Variants in MARCHF8 observed in about 807,000 individuals in gnomAD.
The protein encoded by MARCHF8 is E3 ubiquitin-protein ligase MARCHF8.
A neutral mutation model predicts 51.6 loss-of-function variants in MARCHF8; 40 were observed. The observed-to-expected ratio is 0.77, with a 90% CI of 0.60 to 1.01. MARCHF8 has a LOEUF of 1.01. MARCHF8 is among the 50% of genes least tolerant of loss of function. The pLI is 0.00. For synonymous variants in MARCHF8, 263 were observed against 280.3 expected (o/e 0.94, Z 0.62); for missense variants, 685 against 708.6 (o/e 0.97, Z 0.38).
intron 3 of MARCHF8, among the ~76,000 whole-genome samples, chr10:45,472,659 CT>C (rs2042714248): frequency 6.6e-6 from 1 of 152,218 alleles, no homozygotes; most frequent in Admixed American, 6.5e-5. Context: ...TGGAAATAAT[CT>C]TGGTATTATT....
chr10:45,546,979 T>C (rs2044132534), intron 1 of MARCHF8, among the ~76,000 whole-genome samples: 7 of 152,100 alleles, frequency 4.6e-5, no homozygotes, highest in Admixed American at 3.9e-4. Context: ...TCCCAGCTAC[T>C]TGGGAGGCTG....
At chr10:45,546,138 T>TTTTTTTTA (rs1554818043) in intron 1 of MARCHF8, among the ~76,000 whole-genome samples, 3 of 147,790 alleles carry the variant, frequency 2.0e-5, no homozygotes, top group African/African-American at 5.0e-5. Flanking sequence ...TGAGCTGAAT[T>TTTTTTTTA]TTTATTTATT....
intron 1 of MARCHF8, among the ~76,000 whole-genome samples, chr10:45,583,741 T>TA (rs2044580455): frequency 6.6e-6 from 1 of 152,160 alleles, no homozygotes; most frequent in African/African-American, 2.4e-5. Flanking sequence ...TTTATGTACT[T>TA]ACAGTATTTG....
intron 1 of MARCHF8, among the ~76,000 whole-genome samples, chr10:45,567,225 C>T (rs1375539056): frequency 4.6e-5 from 7 of 152,084 alleles, no homozygotes; most frequent in Admixed American, 3.3e-4. Context: ...CCATTCTGTA[C>T]GTTGTCTCTT....
intron 2 of MARCHF8, among the ~76,000 whole-genome samples, chr10:45,511,811 G>A (rs1300286106): frequency 6.6e-6 from 1 of 152,092 alleles, no homozygotes; most frequent in Non-Finnish European, 1.5e-5. Flanking sequence ...CGAGATTGCA[G>A]CCTCTGCCCG....
At chr10:45,514,551 A>G (rs1302828106) in intron 2 of MARCHF8, among the ~76,000 whole-genome samples, 1 of 152,174 alleles carries the variant, frequency 6.6e-6, no homozygotes, top group African/African-American at 2.4e-5. Context: ...AAACTGGACT[A>G]CTTCCTCCAG....
chr10:45,466,754 G>A (rs148733245), intron 3 of MARCHF8, among the ~76,000 whole-genome samples: 7 of 152,120 alleles, frequency 4.6e-5, no homozygotes, highest in African/African-American at 1.4e-4. Context: ...CCTGGGTCCG[G>A]GAGGCAGGTT....
At chr10:45,530,493 G>A (rs1474131510) in intron 2 of MARCHF8, among the ~76,000 whole-genome samples, 1 of 152,154 alleles carries the variant, frequency 6.6e-6, no homozygotes, top group Non-Finnish European at 1.5e-5. Flanking sequence ...ACTTAAAAAT[G>A]AAACTGGGCC....
intron 2 of MARCHF8, among the ~76,000 whole-genome samples, chr10:45,519,899 T>G (rs1297342165): frequency 1.3e-5 from 2 of 152,116 alleles, no homozygotes; most frequent in Non-Finnish European, 1.5e-5. Flanking sequence ...CAAAAGGAGC[T>G]CCCTAGTTTC....
intron 2 of MARCHF8, among the ~76,000 whole-genome samples, chr10:45,502,592 CTG>C (rs1188998358): frequency 2.0e-5 from 3 of 152,180 alleles, no homozygotes; most frequent in Admixed American, 6.5e-5. Context: ...ATTCAAATGA[CTG>C]TGTCTTGCTC....
intron 1 of MARCHF8, chr10:45,553,208 C>T (rs539202972): frequency 1.3e-5 from 2 of 151,598 alleles, no homozygotes; most frequent in African/African-American, 2.4e-5. Context: ...CCCATCTCTA[C>T]AAAAAAAATT....
At chr10:45,591,521 C>T (rs2044681016) in intron 1 of MARCHF8, among the ~76,000 whole-genome samples, 1 of 151,894 alleles carries the variant, frequency 6.6e-6, no homozygotes, top group South Asian at 2.1e-4. Context: ...ACACAGAATT[C>T]AGCATGCTGG....
chr10:45,586,386 C>T (rs2044618869), intron 1 of MARCHF8, among the ~76,000 whole-genome samples: 1 of 152,130 alleles, frequency 6.6e-6, no homozygotes, highest in Non-Finnish European at 1.5e-5. Context: ...GTGCAATTCA[C>T]TCCTTTTTTC....
At chr10:45,507,382 T>A (rs1430960481) in intron 2 of MARCHF8, among the ~76,000 whole-genome samples, 3 of 152,224 alleles carry the variant, frequency 2.0e-5, no homozygotes, top group Non-Finnish European at 4.4e-5. Flanking sequence ...ATTTGGCTCA[T>A]GGTTCTGCAG....
chr10:45,499,958 T>C (rs1185070882), intron 2 of MARCHF8, among the ~76,000 whole-genome samples: 1 of 152,244 alleles, frequency 6.6e-6, no homozygotes, highest in Non-Finnish European at 1.5e-5. Flanking sequence ...GATTTATCTA[T>C]TTCTGTAAAA....
chr10:45,463,061 T>C (rs1279986794), intron 5 of MARCHF8, 90 bp downstream of exon 5: 1 of 1,441,802 alleles, frequency 6.9e-7, no homozygotes, highest in African/African-American at 1.4e-5. Flanking sequence ...TTCCTATTAC[T>C]TCATTTTCCT....
chr10:45,571,081 A>G (rs1243258621), intron 1 of MARCHF8, among the ~76,000 whole-genome samples: 1 of 152,206 alleles, frequency 6.6e-6, no homozygotes, highest in Non-Finnish European at 1.5e-5. Context: ...CCTATGAAAT[A>G]TAAAAGTATA....
chr10:45,520,599 G>C (rs1249684103), intron 2 of MARCHF8, among the ~76,000 whole-genome samples: 2 of 152,202 alleles, frequency 1.3e-5, no homozygotes, highest in Non-Finnish European at 2.9e-5. Context: ...GCCTGGGCTA[G>C]TCACCAGATT....
intron 3 of MARCHF8, among the ~76,000 whole-genome samples, chr10:45,469,509 A>C (rs1796051323): frequency 6.6e-6 from 1 of 152,092 alleles, no homozygotes. Flanking sequence ...AAAAAGGATA[A>C]AGTCTTTTGA....
Sources: gnomAD v4.1 joint callset for allele counts (sites outside exome capture counted in the v4.1 genomes callset) on GRCh38, gnomAD v4.1.1 for gene constraint, MANE v1.5 for transcripts, NCBI Gene and HGNC (gene_info 2026-07-23, HGNC 2026-07-21) for gene names.